Variants in DOK4 observed in about 807,000 individuals in gnomAD.
The protein encoded by DOK4 is docking protein 4.
DOK4 carries 26 observed loss-of-function variants against 40.1 expected under a neutral mutation model. That is an observed-to-expected ratio of 0.65 (90% CI 0.48 to 0.90). DOK4 has a LOEUF of 0.90. Ranked by LOEUF, DOK4 falls within the 40% of genes least tolerant of loss-of-function variation. The probability of loss-of-function intolerance (pLI) is 0.00; values close to 1 mark genes in which losing one functional copy is unlikely to be tolerated. For missense variants in DOK4, 392 were observed against 437.2 expected (o/e 0.90, Z 0.92); for synonymous variants, 179 against 177.0 (o/e 1.01, Z -0.09).
chr16:57,475,377 AC>A, intron 4 of DOK4, 128 bp downstream of exon 4: 3 of 1,385,606 alleles, frequency 2.2e-6, no homozygotes, highest in Non-Finnish European at 3.0e-6. Context: ...CCCTGAAAGC[AC>A]CCCCAACCCC....
exon 9 of DOK4, chr16:57,472,698 C>T (rs1381080098): frequency 6.6e-6 from 1 of 152,396 alleles, no homozygotes; most frequent in Non-Finnish European, 1.5e-5. Context: ...GCCTACAAAG[C>T]AGGAAGGAGC....
chr16:57,477,911 A>T (rs1167680288), intron 2 of DOK4, among the ~76,000 whole-genome samples: 1 of 152,198 alleles, frequency 6.6e-6, no homozygotes, highest in Non-Finnish European at 1.5e-5. Flanking sequence ...CCACCTCCCC[A>T]TCCAGGCTGT....
chr16:57,485,938 G>A lies in DOK4; in HGVS notation c.-182+367C>T, dbSNP rs1345155181. Among the ~76,000 whole-genome samples the A allele has an allele frequency of 6.6e-6, 1 of 152,192 alleles. No homozygotes were observed. The highest frequency in any genetic ancestry group is 1.5e-5 in the Non-Finnish European group (1 of 68,024). ...GGAGGCCCCGGGGAGGAGCAGGAAG[G>A]CAGAGAGAAGGTTGGGAGCTGCCAG... is the stretch of plus-strand genomic sequence containing the variant. On this transcript the variant is annotated intron_variant, in intron 1 of 8. Transcript: ENST00000340099. The surrounding 1 kb of genome is among the most constrained non-coding windows in gnomAD (Gnocchi z 4.3).
intron 2 of DOK4, among the ~76,000 whole-genome samples, chr16:57,476,826 A>T (rs1290781983): frequency 2.0e-5 from 3 of 152,118 alleles, no homozygotes; most frequent in African/African-American, 7.2e-5. Flanking sequence ...GACTCCCCCA[A>T]GGGGGTGGGG....
At chr16:57,474,184 C>T (rs547394017) in intron 6 of DOK4, 145 bp from the exon 7 acceptor site, 293 of 1,039,154 alleles carry the variant, frequency 2.8e-4, no homozygotes, top group Middle Eastern at 1.2e-3. Context: ...TCCGACCACA[C>T]GGTGCAAATG....
chr16:57,473,471 G>A, exon 9 of DOK4: 1 of 1,614,184 alleles, frequency 6.2e-7, no homozygotes, highest in Non-Finnish European at 8.5e-7. Context: ...TTCCGAGCTG[G>A]CCTGGGCTGC....
At chr16:57,476,174 G>A (rs2031174927) in intron 2 of DOK4, 1 of 563,340 alleles carries the variant, frequency 1.8e-6, no homozygotes, top group East Asian at 3.0e-5. Context: ...TTCTTGGCTG[G>A]CTCCAAAACG....
rs549574994 is a variant in DOK4, at chr16:57,473,650, A to G, written c.825T>C (p.Thr275=). Residue 275 remains threonine, a synonymous_variant, in exon 8 of 9, where the codon ACT becomes ACC. Transcript: ENST00000340099. ...AGGCTTCGGCGATGTTCTGGGAACC[A>G]GTGATGTGGTGCCAGTAGGCACTGC... is the stretch of plus-strand genomic sequence containing the variant. 9.9e-6 allele frequency: 16 copies of G among 1,614,248 alleles called. No homozygotes were observed. In the East Asian group the frequency reaches 1.1e-4, roughly 11 times the overall value.
intron 4 of DOK4, 109 bp downstream of exon 4, chr16:57,475,397 C>T: frequency 7.3e-7 from 1 of 1,372,840 alleles, no homozygotes; most frequent in Non-Finnish European, 1.0e-6. Flanking sequence ...CCACACACAC[C>T]ACACCACCAT....
At chr16:57,481,820 G>A (rs1443601642) in intron 1 of DOK4, 3 of 152,204 alleles carry the variant, frequency 2.0e-5, no homozygotes, top group Non-Finnish European at 2.9e-5. Flanking sequence ...GAATTCATGA[G>A]GCACCTGCTT....
chr16:57,479,928 C>T lies in DOK4; in HGVS notation c.-181-240G>A, dbSNP rs975583523. ...TCCAGCCCAGTCCCCTCCCTCACGGCTGGGGCTGGCAGTTAACCCCTTCCT... is the reference window on the plus strand; with the variant it reads ...TCCAGCCCAGTCCCCTCCCTCACGGTTGGGGCTGGCAGTTAACCCCTTCCT... On this transcript the variant is annotated intron_variant, in intron 1 of 8. Coordinates refer to ENST00000340099, the Ensembl canonical transcript of DOK4. This position sits in a 1 kb window ranked among gnomAD's most constrained non-coding sequence, Gnocchi z 5.8. 6.1e-6 allele frequency: 1 copy of T among 164,260 alleles called. No individual in the cohort carries two copies. The highest frequency in any genetic ancestry group is 2.4e-5 in the African/African-American group (1 of 41,776). 10.2% of individuals were successfully genotyped at this position (164,260 alleles called of 1,614,324 possible). A position where few individuals can be genotyped will look rare whatever the true frequency, so the allele number is the denominator to read the frequency against.
At chr16:57,482,156 G>A (rs1165897954) in intron 1 of DOK4, among the ~76,000 whole-genome samples, 3 of 151,432 alleles carry the variant, frequency 2.0e-5, no homozygotes, top group African/African-American at 4.9e-5. Context: ...GAGCCACTGC[G>A]CCCGGCCTTC....
chr16:57,477,030 C>T (rs3785335), intron 2 of DOK4, among the ~76,000 whole-genome samples: 4,087 of 152,332 alleles, frequency 0.027, 78 homozygotes, highest in South Asian at 0.082. Flanking sequence ...TCCAAAAGCC[C>T]GACAGAGCCT....
intron 1 of DOK4, among the ~76,000 whole-genome samples, chr16:57,482,526 C>T (rs1252640892): frequency 6.6e-6 from 1 of 151,862 alleles, no homozygotes; most frequent in African/African-American, 2.4e-5. Flanking sequence ...ACCACCATAC[C>T]CGGCTAATTG....
Position 57,479,602 on chromosome 16 carries a change from A to C in DOK4, c.-95T>G. ...TCCGGCTCCTCCAATCACCTGTTCC[A>C]GACACTCTGTCGGGGCTGCCGCGAG... is the stretch of plus-strand genomic sequence containing the variant. On this transcript the variant is annotated 5_prime_UTR_variant, in exon 2 of 9. Transcript: ENST00000340099. This position sits in a 1 kb window ranked among gnomAD's most constrained non-coding sequence, Gnocchi z 5.8. The C allele has an allele frequency of 2.1e-6, 3 of 1,402,534 alleles. No homozygotes were observed. The highest frequency in any genetic ancestry group is 3.0e-6 in the Non-Finnish European group (3 of 1,001,590). 86.9% of individuals were successfully genotyped at this position (1,402,534 alleles called of 1,614,324 possible).
At chr16:57,474,689 G>T in intron 6 of DOK4, 104 bp downstream of exon 6, 2 of 1,397,776 alleles carry the variant, frequency 1.4e-6, no homozygotes, top group South Asian at 1.3e-5. Flanking sequence ...GGGATTGCTA[G>T]GCCAATAAGT....
At chr16:57,484,308 C>T (rs2031490368) in intron 1 of DOK4, 1 of 152,282 alleles carries the variant, frequency 6.6e-6, no homozygotes, top group Non-Finnish European at 1.5e-5. Flanking sequence ...TGTCTCGATC[C>T]AACGGCGAAG....
At chr16:57,482,823 A>G (rs2031454101) in intron 1 of DOK4, among the ~76,000 whole-genome samples, 1 of 152,080 alleles carries the variant, frequency 6.6e-6, no homozygotes, top group African/African-American at 2.4e-5. Context: ...GGCTGTGTGT[A>G]TGTATATATA....
chr16:57,475,786 C>T (rs2031148864), intron 3 of DOK4, 64 bp downstream of exon 3: 5 of 1,039,844 alleles, frequency 4.8e-6, no homozygotes, highest in Admixed American at 2.2e-5. Context: ...CCCTCTCTCC[C>T]TCTCTCTCTC....
Sources: allele counts gnomAD v4.1 joint callset (sites outside exome capture counted in the v4.1 genomes callset), GRCh38; gene constraint gnomAD v4.1.1; non-coding constraint Gnocchi (gnomAD v3.1); transcripts MANE v1.5; gene names NCBI Gene and HGNC (gene_info 2026-07-23, HGNC 2026-07-21).